The following RCOR1 variants were observed in gnomAD, a reference collection of about 807,000 sequenced individuals.
The protein encoded by RCOR1 is REST corepressor.
In RCOR1, 12 loss-of-function variants were observed where a neutral mutation model predicts 64.0. The observed-to-expected ratio is 0.19, with a 90% CI of 0.12 to 0.30. The LOEUF (loss-of-function observed/expected upper bound fraction) is 0.30. RCOR1 is among the 10% of genes least tolerant of loss of function. The pLI is 1.00. For synonymous variants in RCOR1, 279 were observed against 227.2 expected (o/e 1.23, Z -2.05); for missense variants, 502 against 621.2 (o/e 0.81, Z 2.04).
At chr14:102,721,429 A>G (rs1446413749) in intron 10 of RCOR1, 52 bp downstream of exon 10, 4 of 1,356,378 alleles carry the variant, frequency 2.9e-6, no homozygotes, top group Non-Finnish European at 4.2e-6. Flanking sequence ...GGTGGCTCAC[A>G]CCTGTAATCC....
At chr14:102,657,743 T>C in intron 2 of RCOR1, 1 of 438,864 alleles carries the variant, frequency 2.3e-6, no homozygotes, top group Non-Finnish European at 3.0e-6. Context: ...GAGACAGAGG[T>C]GAGAGAATCA....
chr14:102,634,663 T>TAC (rs201296167), intron 2 of RCOR1, among the ~76,000 whole-genome samples: 1 of 150,312 alleles, frequency 6.7e-6, no homozygotes, highest in East Asian at 1.9e-4. Flanking sequence ...TATATATATA[T>TAC]ACACACACAC....
chr14:102,600,424 A>C (rs1318293568), intron 2 of RCOR1, among the ~76,000 whole-genome samples: 2 of 151,394 alleles, frequency 1.3e-5, no homozygotes, highest in Non-Finnish European at 2.9e-5. Flanking sequence ...ATTTTGAGAC[A>C]GAGTTTTGCT....
intron 2 of RCOR1, among the ~76,000 whole-genome samples, chr14:102,624,065 G>A (rs1012007965): frequency 5.3e-5 from 8 of 151,684 alleles, no homozygotes; most frequent in Non-Finnish European, 1.0e-4. Context: ...GCATGGTGGC[G>A]GGCACCTGTA....
At chr14:102,693,455 A>G (rs1287000263) in intron 3 of RCOR1, among the ~76,000 whole-genome samples, 6 of 152,318 alleles carry the variant, frequency 3.9e-5, no homozygotes, top group Admixed American at 1.3e-4. Context: ...AAGCTCTTAA[A>G]TAACTTGTTT....
chr14:102,687,550 G>A (rs879721228), intron 3 of RCOR1, among the ~76,000 whole-genome samples: 1 of 152,158 alleles, frequency 6.6e-6, no homozygotes, highest in African/African-American at 2.4e-5. Flanking sequence ...TTGAGGAAGC[G>A]TAAATAATTC....
At chr14:102,715,793 G>C (rs1896058227) in intron 8 of RCOR1, among the ~76,000 whole-genome samples, 1 of 152,152 alleles carries the variant, frequency 6.6e-6, no homozygotes, top group African/African-American at 2.4e-5. Context: ...TTCAACCTGA[G>C]AGCTAAACAG....
intron 2 of RCOR1, among the ~76,000 whole-genome samples, chr14:102,633,513 A>T (rs1241198338): frequency 2.0e-5 from 3 of 151,286 alleles, no homozygotes; most frequent in Admixed American, 2.0e-4. Context: ...TTTGAAGGAG[A>T]GTTAGTTGCA....
chr14:102,612,485 C>T (rs1893651418), intron 2 of RCOR1, among the ~76,000 whole-genome samples: 1 of 152,048 alleles, frequency 6.6e-6, no homozygotes, highest in Admixed American at 6.6e-5. Context: ...AGGTGTGAGC[C>T]ACCACGCCCG....
intron 2 of RCOR1, among the ~76,000 whole-genome samples, chr14:102,634,377 A>AAACCAACC (rs574088939): frequency 2.6e-5 from 4 of 151,778 alleles, no homozygotes; most frequent in African/African-American, 7.3e-5. Context: ...CCTGTCTCAA[A>AAACCAACC]AACCAACCAA....
At chr14:102,692,290 A>C (rs1355488351) in intron 3 of RCOR1, among the ~76,000 whole-genome samples, 1 of 152,166 alleles carries the variant, frequency 6.6e-6, no homozygotes, top group Non-Finnish European at 1.5e-5. Flanking sequence ...TGTTCTGTGG[A>C]TGCAGATTAA....
chr14:102,654,963 T>TA (rs1355740707), intron 2 of RCOR1, among the ~76,000 whole-genome samples: 1 of 151,656 alleles, frequency 6.6e-6, no homozygotes, highest in Non-Finnish European at 1.5e-5. Context: ...TAGGTGACAC[T>TA]AGCCTGGCTC....
At chr14:102,654,248 A>G (rs1397911217) in intron 2 of RCOR1, among the ~76,000 whole-genome samples, 1 of 151,724 alleles carries the variant, frequency 6.6e-6, no homozygotes, top group Non-Finnish European at 1.5e-5. Flanking sequence ...CAGCCTCCCA[A>G]AGTGTCGGGA....
At chr14:102,716,579 A>C (rs1896073884) in intron 8 of RCOR1, among the ~76,000 whole-genome samples, 1 of 147,128 alleles carries the variant, frequency 6.8e-6, no homozygotes, top group Non-Finnish European at 1.5e-5. Context: ...TATGAGTATC[A>C]ATTTGGTCAA....
chr14:102,689,464 A>C (rs1327259153), intron 3 of RCOR1, among the ~76,000 whole-genome samples: 1 of 152,212 alleles, frequency 6.6e-6, no homozygotes, highest in African/African-American at 2.4e-5. Context: ...GATAGTTCCC[A>C]GAAGGAGCAA....
At chr14:102,703,565 A>G (rs1167585904) in intron 4 of RCOR1, among the ~76,000 whole-genome samples, 1 of 152,240 alleles carries the variant, frequency 6.6e-6, no homozygotes, top group Non-Finnish European at 1.5e-5. Flanking sequence ...CAAAGCAGCA[A>G]GAGAAGAAAA....
intron 2 of RCOR1, among the ~76,000 whole-genome samples, chr14:102,673,485 C>T (rs983845114): frequency 1.0e-4 from 15 of 146,594 alleles, no homozygotes; most frequent in African/African-American, 3.5e-4. Flanking sequence ...TACAGTCGCC[C>T]ACTACCATGC....
chr14:102,695,840 C>T (rs950140607), intron 3 of RCOR1, among the ~76,000 whole-genome samples: 1 of 151,784 alleles, frequency 6.6e-6, no homozygotes, highest in Non-Finnish European at 1.5e-5. Flanking sequence ...TGAGCCACTG[C>T]GCCCAGTGCA....
intron 3 of RCOR1, among the ~76,000 whole-genome samples, chr14:102,690,560 C>T (rs1743658296): frequency 6.6e-6 from 1 of 152,016 alleles, no homozygotes; most frequent in African/African-American, 2.4e-5. Flanking sequence ...CACTGCACTC[C>T]AGCCTGGGCA....
Sources: gnomAD v4.1 joint callset for allele counts (sites outside exome capture counted in the v4.1 genomes callset) on GRCh38, gnomAD v4.1.1 for gene constraint, MANE v1.5 for transcripts, NCBI Gene and HGNC (gene_info 2026-07-23, HGNC 2026-07-21) for gene names.